CNIH3: variants seen among roughly 807,000 people sequenced by gnomAD.
CNIH3 encodes the protein cornichon family AMPA receptor auxiliary protein 3.
A neutral mutation model predicts 24.1 loss-of-function variants in CNIH3; 14 were observed. That is an observed-to-expected ratio of 0.58 (90% confidence interval 0.38 to 0.91). The LOEUF is 0.91. Ranked by LOEUF, CNIH3 falls within the 40% of genes least tolerant of loss-of-function variation. CNIH3 has a pLI of 0.00. For synonymous variants in CNIH3, 68 were observed against 73.8 expected, an observed-to-expected ratio of 0.92 and a Z score of 0.40; for missense variants, 178 against 196.8, an observed-to-expected ratio of 0.90 and a Z score of 0.57.
At position 224,447,766 on chromosome 1, in the gene CNIH3, T is replaced by C. The variant is rs1049194411; in HGVS notation, n.203+12904T>C. Among the ~76,000 whole-genome samples the C allele has an allele frequency of 7.9e-5, 12 of 152,346 alleles. 1 individual carries two copies. The highest frequency in any genetic ancestry group is 7.8e-4 in the Admixed American group (12 of 15,306). Reference sequence around the variant, plus strand: ...GAGTGAAGGTAGTAGAAATAATAGCTGGCATTTATTCAGTGCCTGCTCTGC... The same window carrying C: ...GAGTGAAGGTAGTAGAAATAATAGCCGGCATTTATTCAGTGCCTGCTCTGC... On this transcript the variant is annotated intron_variant and non_coding_transcript_variant, in intron 1 of 5. Coordinates refer to the CNIH3 transcript ENST00000471578.
chr1:224,718,760 G>A (rs1558330368), intron 3 of CNIH3, among the ~76,000 whole-genome samples: 1 of 152,034 alleles, frequency 6.6e-6, no homozygotes, highest in Non-Finnish European at 1.5e-5. Context: ...GGAGCAGAGG[G>A]TTTTCCTGGG....
intron 3 of CNIH3, chr1:224,717,878 G>T (rs1258464797): frequency 6.6e-6 from 1 of 152,222 alleles, no homozygotes; most frequent in African/African-American, 2.4e-5. Flanking sequence ...CTAAATTAGT[G>T]TCGAGTCAAC....
intron 3 of CNIH3, among the ~76,000 whole-genome samples, chr1:224,608,976 G>T (rs920001747): frequency 6.6e-6 from 1 of 152,228 alleles, no homozygotes; most frequent in African/African-American, 2.4e-5. Context: ...GGAAGCTGCT[G>T]ATTACCAGTT....
At chr1:224,680,866 TTG>T (rs1686364990) in intron 1 of CNIH3, 90 bp from the exon 2 acceptor site, 1 of 943,350 alleles carries the variant, frequency 1.1e-6, no homozygotes, top group Non-Finnish European at 1.7e-6. Context: ...TTCCTTTCTG[TTG>T]TGTTATTTGG....
At chr1:224,709,093 AC>A (rs1353896037) in intron 3 of CNIH3, among the ~76,000 whole-genome samples, 1 of 152,084 alleles carries the variant, frequency 6.6e-6, no homozygotes, top group Non-Finnish European at 1.5e-5. Context: ...CGTGACCACC[AC>A]GCGCGTCTGT....
At chr1:224,513,800 C>G (rs985215991), upstream of CNIH3, 8 of 152,222 alleles carry the variant, frequency 5.3e-5, no homozygotes, top group Non-Finnish European at 1.0e-4. Context: ...TGCAAGACTG[C>G]GCACTCACAC....
chr1:224,448,936 C>T (rs752508745), intron 1 of CNIH3, among the ~76,000 whole-genome samples: 1 of 151,104 alleles, frequency 6.6e-6, no homozygotes, highest in Non-Finnish European at 1.5e-5. Context: ...ATTTCTCCCA[C>T]TGACACGAAT....
At chr1:224,695,936 A>G (rs1397222724) in intron 3 of CNIH3, among the ~76,000 whole-genome samples, 1 of 152,190 alleles carries the variant, frequency 6.6e-6, no homozygotes, top group Non-Finnish European at 1.5e-5. Context: ...TTTTCATAAT[A>G]TCCTTCTCCT....
At chr1:224,720,725 C>T (rs1422423153) in intron 3 of CNIH3, among the ~76,000 whole-genome samples, 1 of 152,148 alleles carries the variant, frequency 6.6e-6, no homozygotes. Flanking sequence ...TCTTCCTTGT[C>T]AGGTAAAATC....
chr1:224,542,197 T>G (rs1679536628), downstream of CNIH3, among the ~76,000 whole-genome samples: 1 of 152,220 alleles, frequency 6.6e-6, no homozygotes, highest in Non-Finnish European at 1.5e-5. Flanking sequence ...CATGTTTTCC[T>G]TCTTAAAATT....
At chr1:224,451,056 A>G (rs1675376652) in intron 1 of CNIH3, among the ~76,000 whole-genome samples, 1 of 152,204 alleles carries the variant, frequency 6.6e-6, no homozygotes, top group African/African-American at 2.4e-5. Context: ...ACAAGATGCC[A>G]TGTCTAAAAT....
intron 3 of CNIH3, among the ~76,000 whole-genome samples, chr1:224,597,212 C>T (rs1343705868): frequency 6.6e-6 from 1 of 151,798 alleles, no homozygotes; most frequent in Non-Finnish European, 1.5e-5. Context: ...CAAAACAAAA[C>T]AGAATCTCTA....
chr1:224,517,601 A>C (rs758030120), intron 1 of CNIH3, among the ~76,000 whole-genome samples: 2 of 152,056 alleles, frequency 1.3e-5, no homozygotes, highest in Non-Finnish European at 2.9e-5. Context: ...CACTGTACCC[A>C]GTGTGTAGTC....
At chr1:224,673,153 G>T (rs1572698994) in intron 1 of CNIH3, among the ~76,000 whole-genome samples, 3 of 152,176 alleles carry the variant, frequency 2.0e-5, no homozygotes, top group Non-Finnish European at 4.4e-5. Context: ...GTTTCACACT[G>T]ATCAACCTGT....
chr1:224,440,266 G>A (rs1324361110), intron 1 of CNIH3, among the ~76,000 whole-genome samples: 3 of 152,120 alleles, frequency 2.0e-5, no homozygotes, highest in African/African-American at 7.2e-5. Context: ...GTCTTGCTCT[G>A]TTGTCCAGGC....
At chr1:224,735,153 C>T (rs574983890) in intron 5 of CNIH3, among the ~76,000 whole-genome samples, 1 of 152,296 alleles carries the variant, frequency 6.6e-6, no homozygotes, top group African/African-American at 2.4e-5. Flanking sequence ...AAACTCCCCA[C>T]CCCAGCCCCA....
chr1:224,569,785 T>A (rs1680740639), intron 4 of CNIH3, among the ~76,000 whole-genome samples: 1 of 152,090 alleles, frequency 6.6e-6, no homozygotes, highest in Non-Finnish European at 1.5e-5. Context: ...GTTGAGAATA[T>A]TTTCTTTCTT....
intron 1 of CNIH3, among the ~76,000 whole-genome samples, chr1:224,475,803 A>G (rs911389271): frequency 3.3e-5 from 5 of 152,178 alleles, no homozygotes; most frequent in African/African-American, 1.2e-4. Flanking sequence ...AAAGAAAACT[A>G]CAGGCCAATA....
chr1:224,734,263 G>A (rs1250898246), intron 4 of CNIH3, among the ~76,000 whole-genome samples: 1 of 152,182 alleles, frequency 6.6e-6, no homozygotes, highest in African/African-American at 2.4e-5. Context: ...GTCCTGAGAG[G>A]CGGCTCTTCC....
Sources: allele counts gnomAD v4.1 joint callset (sites outside exome capture counted in the v4.1 genomes callset), GRCh38; gene constraint gnomAD v4.1.1; transcripts MANE v1.5; gene names NCBI Gene and HGNC (gene_info 2026-07-23, HGNC 2026-07-21).